The following BBIP1 variants were observed in gnomAD, a reference collection of about 807,000 sequenced individuals.
BBIP1 encodes the protein BBSome-interacting protein 1.
A neutral mutation model predicts 8.9 loss-of-function variants in BBIP1; 6 were observed. The ratio of observed to expected loss-of-function variants is 0.67; its 90% CI spans 0.37 to 1.33. BBIP1 has a LOEUF of 1.33. Ranked by LOEUF, BBIP1 falls within the 40% of genes most tolerant of loss-of-function variation. BBIP1 has a pLI of 0.02. For synonymous variants in BBIP1, 32 were observed against 33.4 expected (o/e 0.96, Z 0.14); for missense variants, 111 against 109.2 (o/e 1.02, Z -0.07).
intron 2 of BBIP1, chr10:110,904,288 CA>C (rs1338394157): frequency 6.6e-6 from 1 of 152,136 alleles, no homozygotes; most frequent in African/African-American, 2.4e-5. Flanking sequence ...TCATAATTAA[CA>C]GGACAAAAAC....
At chr10:110,914,516 TACTC>T (rs1846351230) in intron 2 of BBIP1, among the ~76,000 whole-genome samples, 1 of 152,068 alleles carries the variant, frequency 6.6e-6, no homozygotes. Context: ...AAAGTAGTAA[TACTC>T]ACTCTTACTC....
chr10:110,910,736 A>C (rs1846255887), intron 2 of BBIP1: 1 of 152,238 alleles, frequency 6.6e-6, no homozygotes. Context: ...GGATATACCC[A>C]TATTAATTCA....
At chr10:110,918,288 GT>G in intron 1 of BBIP1, 75 bp from the exon 2 acceptor site, 1 of 755,298 alleles carries the variant, frequency 1.3e-6, no homozygotes, top group Non-Finnish European at 2.2e-6. Flanking sequence ...TCTTCAACAC[GT>G]TGTTTAAGAA....
At chr10:110,900,619 A>C in intron 3 of BBIP1, 93 bp from the exon 4 acceptor site, 1 of 1,050,772 alleles carries the variant, frequency 9.5e-7, no homozygotes, top group East Asian at 2.7e-5. Flanking sequence ...TAAAAAATTA[A>C]TCTCTTGTCA....
At chr10:110,917,194 A>ATT (rs67066048) in intron 2 of BBIP1, among the ~76,000 whole-genome samples, 2,887 of 107,810 alleles carry the variant, frequency 0.027, 121 homozygotes, top group Non-Finnish European at 0.034. Context: ...CTGGATCCTG[A>ATT]TTTTTTTTTT....
chr10:110,907,669 T>G (rs771976595), intron 2 of BBIP1: 4 of 665,788 alleles, frequency 6.0e-6, no homozygotes, highest in Non-Finnish European at 8.1e-6. Flanking sequence ...TGAAAAGTGA[T>G]TGTTCTTAAC....
intron 2 of BBIP1, among the ~76,000 whole-genome samples, chr10:110,909,664 A>G (rs1396677008): frequency 6.6e-6 from 1 of 152,240 alleles, no homozygotes; most frequent in East Asian, 1.9e-4. Flanking sequence ...TCAAGAAAGT[A>G]TAAATCTTTA....
chr10:110,900,516 A>G lies in BBIP1; in HGVS notation c.123T>C (p.Phe41=). Residue 41 remains phenylalanine, a synonymous_variant, in exon 4 of 4, where the codon TTT becomes TTC. Transcript: ENST00000448814. The stretch of plus-strand genomic sequence containing the variant: ...GCACCATTGTCATTATATCTTCCAC[A>G]AACAGTGGCCCTAAGTTTAACAAGA... ...REVLPKQGPL[F]VEDIMTMVLC... is the part of the protein sequence containing the mutation. 1.3e-6 allele frequency: 2 copies of G among 1,528,138 alleles called. No homozygotes were observed. The highest frequency in any genetic ancestry group is 1.7e-6 in the Non-Finnish European group (2 of 1,143,688). 94.7% of individuals were successfully genotyped at this position (1,528,138 alleles called of 1,614,324 possible).
intron 2 of BBIP1, chr10:110,907,656 A>G: frequency 4.6e-6 from 3 of 646,048 alleles, no homozygotes; most frequent in Non-Finnish European, 8.3e-6. Flanking sequence ...AAAGTTTAGG[A>G]TCTGAAAAGT....
intron 1 of BBIP1, among the ~76,000 whole-genome samples, chr10:110,918,432 C>T (rs1480752263): frequency 6.6e-6 from 1 of 152,136 alleles, no homozygotes; most frequent in Non-Finnish European, 1.5e-5. Flanking sequence ...GAGGTCCTGC[C>T]CTGGTGGTAG....
intron 3 of BBIP1, 138 bp downstream of exon 3, chr10:110,901,400 A>G (rs994801720): frequency 2.8e-5 from 18 of 634,544 alleles, no homozygotes; most frequent in Non-Finnish European, 5.0e-5. Context: ...GAAAAAGCAT[A>G]TAGTAAAAGA....
At chr10:110,915,219 C>T (rs368405167) in intron 2 of BBIP1, among the ~76,000 whole-genome samples, 1 of 152,034 alleles carries the variant, frequency 6.6e-6, no homozygotes, top group African/African-American at 2.4e-5. Context: ...TGCAGTCGTG[C>T]GATCATGGCT....
chr10:110,918,550 C>G (rs1050922824), intron 1 of BBIP1, among the ~76,000 whole-genome samples: 2 of 152,224 alleles, frequency 1.3e-5, no homozygotes, highest in Non-Finnish European at 2.9e-5. Flanking sequence ...TAGGAACTTG[C>G]GGAGGCGTGG....
At chr10:110,905,440 T>C (rs1429957423) in intron 2 of BBIP1, among the ~76,000 whole-genome samples, 1 of 152,028 alleles carries the variant, frequency 6.6e-6, no homozygotes, top group Non-Finnish European at 1.5e-5. Context: ...TGGGCGCCTG[T>C]AGTCCCAGCT....
At chr10:110,904,626 G>GT (rs1331046813) in intron 2 of BBIP1, 1 of 152,174 alleles carries the variant, frequency 6.6e-6, no homozygotes, top group African/African-American at 2.4e-5. Flanking sequence ...TTGCAGTACT[G>GT]TATCTACTAA....
intron 2 of BBIP1, among the ~76,000 whole-genome samples, chr10:110,914,886 A>C (rs1300494779): frequency 6.6e-6 from 1 of 152,220 alleles, no homozygotes; most frequent in Non-Finnish European, 1.5e-5. Context: ...TTTTTCTAAT[A>C]ACCCTTCCTA....
intron 2 of BBIP1, among the ~76,000 whole-genome samples, chr10:110,905,575 CA>C (rs879599775): frequency 7.5e-4 from 104 of 138,578 alleles, no homozygotes; most frequent in Middle Eastern, 4.0e-3. Flanking sequence ...CCCACCCCTC[CA>C]AAAAAAAAAA....
At chr10:110,913,050 A>G (rs1846315800) in intron 2 of BBIP1, among the ~76,000 whole-genome samples, 1 of 152,072 alleles carries the variant, frequency 6.6e-6, no homozygotes, top group Non-Finnish European at 1.5e-5. Flanking sequence ...TAATCAATCT[A>G]TTTCACCTTT....
At position 110,900,473 on chromosome 10, in the gene BBIP1, A is replaced by G. The variant is rs768526182; in HGVS notation, c.166T>C (p.Leu56=). 6.5e-7 allele frequency: 1 copy of G among 1,535,818 alleles called. No homozygotes were observed. Among genetic ancestry groups the G allele is most frequent in the South Asian group, 1.2e-5 (1 of 84,050 alleles). Residue 56 remains leucine, a synonymous_variant, in exon 4 of 4, where the codon TTA becomes CTA. Coordinates refer to ENST00000448814, the MANE Select transcript of BBIP1 (RefSeq NM_001195305.3). ...TCCAGAGTCAGAGATTTTAAGGGTA[A>G]AAGTTTGGGTTTACACAGCACCATT... The part of the protein sequence containing the change: ...MTMVLCKPKL[L]PLKSLTLEKL...
Sources: allele counts gnomAD v4.1 joint callset (sites outside exome capture counted in the v4.1 genomes callset), GRCh38; gene constraint gnomAD v4.1.1; transcripts MANE v1.5; gene names NCBI Gene and HGNC (gene_info 2026-07-23, HGNC 2026-07-21).